The following NCBP3 variants were observed in gnomAD, a reference collection of about 807,000 sequenced individuals.
NCBP3 encodes the protein nuclear cap binding subunit 3.
Under a neutral mutation model 75.7 loss-of-function variants are expected in NCBP3, and 20 were observed. That is an observed-to-expected ratio of 0.26 (90% CI 0.19 to 0.38). NCBP3 has a LOEUF of 0.38. Ranked by LOEUF, NCBP3 falls within the 10% of genes least tolerant of loss-of-function variation. The pLI is 1.00. For synonymous variants in NCBP3, 293 were observed against 290.5 expected (o/e 1.01, Z -0.09); for missense variants, 678 against 796.9 (o/e 0.85, Z 1.80).
Position 3,832,094 on chromosome 17 carries a change from T to G in NCBP3, c.356-2726A>C, listed in dbSNP as rs561264940. On this transcript the variant is annotated intron_variant, in intron 3 of 12. Coordinates refer to ENST00000389005, the MANE Select transcript of NCBP3 (RefSeq NM_001114118.3). ...AGCTACTTGGGAGGCTGAGGCAGGATAATCACTCGAACCTGGGAGGCAGAG... is the reference window on the plus strand; with the variant it reads ...AGCTACTTGGGAGGCTGAGGCAGGAGAATCACTCGAACCTGGGAGGCAGAG... Among the ~76,000 whole-genome samples, 13 of 106,684 alleles carry G rather than the reference T, an allele frequency of 1.2e-4. 3 individuals carry two copies. In the Admixed American group the frequency reaches 1.3e-3, roughly 11 times the overall value. 70.0% of individuals were successfully genotyped at this position (106,684 alleles called of 152,430 possible). A position where few individuals can be genotyped will look rare whatever the true frequency, so the allele number is the denominator to read the frequency against.
At chr17:3,832,421 C>CAGG (rs1555533355) in intron 3 of NCBP3, among the ~76,000 whole-genome samples, 2,261 of 117,716 alleles carry the variant, frequency 0.019, 141 homozygotes, top group African/African-American at 0.055. Context: ...ATCACAAGGT[C>CAGG]AGATCGAGAC....
Position 3,836,734 on chromosome 17 carries a change from T to A in NCBP3, c.355+3366A>T, listed in dbSNP as rs111483191. Among the ~76,000 whole-genome samples the A allele has an allele frequency of 5.4e-3, 816 of 152,072 alleles. 7 individuals carry two copies. Among genetic ancestry groups the A allele is most frequent in the African/African-American group, 0.018 (734 of 41,456 alleles). ...CTGAGATTTTTAGAGGCTAAATAACTTGCCCGAGGCCATAGAGCTAGAAAG... is the reference window on the plus strand; with the variant it reads ...CTGAGATTTTTAGAGGCTAAATAACATGCCCGAGGCCATAGAGCTAGAAAG... On this transcript the variant is annotated intron_variant, in intron 3 of 12. Coordinates refer to ENST00000389005, the MANE Select transcript of NCBP3 (RefSeq NM_001114118.3).
intron 2 of NCBP3, among the ~76,000 whole-genome samples, chr17:3,842,236 C>T (rs911744737): frequency 6.6e-6 from 1 of 152,146 alleles, no homozygotes; most frequent in Non-Finnish European, 1.5e-5. Context: ...ACCAGCCTGA[C>T]CAATACAATG....
intron 2 of NCBP3, among the ~76,000 whole-genome samples, chr17:3,841,750 T>C (rs907893275): frequency 4.7e-5 from 7 of 148,084 alleles, no homozygotes; most frequent in Admixed American, 2.0e-4. Flanking sequence ...GAGGGATCAA[T>C]TGAATCCAGG....
At chr17:3,844,255 T>A (rs1268496695) in intron 1 of NCBP3, among the ~76,000 whole-genome samples, 1 of 152,228 alleles carries the variant, frequency 6.6e-6, no homozygotes, top group Non-Finnish European at 1.5e-5. Context: ...TGACAGTCAC[T>A]AATTACAGGA....
chr17:3,826,603 C>T (rs184270792), intron 4 of NCBP3, among the ~76,000 whole-genome samples: 11 of 151,210 alleles, frequency 7.3e-5, no homozygotes, highest in Admixed American at 5.9e-4. Context: ...TGCACTCCAG[C>T]CTGGGTAACA....
In NCBP3 at chr17:3,811,635, C is replaced by T. The variant is rs2053416154; in HGVS notation, c.*1409G>A. On this transcript the variant is annotated 3_prime_UTR_variant, in exon 13 of 13. Coordinates refer to ENST00000389005, the MANE Select transcript of NCBP3 (RefSeq NM_001114118.3). ...ACTATCAATGTGACCATTAGCTCCG[C>T]CACAAGTAAAGATCGACAGGATCCA... 6.6e-6 allele frequency: 1 copy of T among 152,200 alleles called. No individual in the cohort carries two copies. The highest frequency in any genetic ancestry group is 1.5e-5 in the Non-Finnish European group (1 of 68,040). 9.4% of individuals were successfully genotyped at this position (152,200 alleles called of 1,614,324 possible). A position where few individuals can be genotyped will look rare whatever the true frequency, so the allele number is the denominator to read the frequency against.
At chr17:3,815,366 A>C (rs1240453185) in intron 11 of NCBP3, among the ~76,000 whole-genome samples, 1 of 152,182 alleles carries the variant, frequency 6.6e-6, no homozygotes, top group Non-Finnish European at 1.5e-5. Context: ...GAGTAGATCT[A>C]TGACGGCTCT....
Position 3,814,420 on chromosome 17 carries a change from A to G in NCBP3, c.1529T>C (p.Val510Ala). The change falls in exon 12 of 13, where the codon GTC becomes GCC. Residue 510 changes from valine to alanine, a missense_variant. Around this residue, in one of 7 missense-constraint regions of NCBP3, gnomAD observed 365 missense variants for 392.7 expected, o/e 0.93. Transcript: ENST00000389005. Reference sequence around the variant, plus strand: ...ATCAGAAGAGGGCTCTCTCCGAACGACGGGGTTACTACTAAAAGCCTTTTC... The same window carrying G: ...ATCAGAAGAGGGCTCTCTCCGAACGGCGGGGTTACTACTAAAAGCCTTTTC... ...SPEKAFSSNPVVRREPSSDVH... is the reference protein window; with the variant it reads ...SPEKAFSSNPAVRREPSSDVH... 6.2e-7 allele frequency: 1 copy of G among 1,614,210 alleles called. No homozygotes were observed. The highest frequency in any genetic ancestry group is 8.5e-7 in the Non-Finnish European group (1 of 1,180,040).
rs555552927 is a variant in NCBP3, at chr17:3,831,264, T to C, written c.356-1896A>G. 3.6e-4 allele frequency among the ~76,000 whole-genome samples: 55 copies of C among 151,984 alleles called. No homozygotes were observed. In the East Asian group the frequency reaches 8.8e-3, roughly 24 times the overall value. ...TCTCCTTTAATCTCAATTGCAAAAT[T>C]TGTAAATATATCAATAAATAAACTT... On this transcript the variant is annotated intron_variant, in intron 3 of 12. Coordinates refer to ENST00000389005, the MANE Select transcript of NCBP3 (RefSeq NM_001114118.3).
At position 3,818,720 on chromosome 17, in the gene NCBP3, A is replaced by G; in HGVS notation, c.1001-148T>C. On this transcript the variant is annotated intron_variant, in intron 9 of 12. Coordinates refer to ENST00000389005, the MANE Select transcript of NCBP3 (RefSeq NM_001114118.3). The surrounding 1 kb of genome is among the most constrained non-coding windows in gnomAD (Gnocchi z 4.7). ...CTATCTATAATAGTGCCAAATGGAC[A>G]TTACTCTGATACTGCAACAGGAGGA... 1 of 836,028 alleles carries G rather than the reference A, an allele frequency of 1.2e-6. No homozygotes were observed. The highest frequency in any genetic ancestry group is 1.9e-6 in the Non-Finnish European group (1 of 539,454). The allele number at this position is 836,028 out of a possible 1,614,324, so 51.8% of individuals were successfully genotyped here.
intron 2 of NCBP3, 30 bp downstream of exon 2, chr17:3,843,056 G>A (rs369794845): frequency 1.3e-4 from 201 of 1,494,630 alleles, no homozygotes; most frequent in Non-Finnish European, 1.7e-4. Context: ...TGCTTATCAA[G>A]CTGAATAAAT....
intron 4 of NCBP3, among the ~76,000 whole-genome samples, chr17:3,827,084 AGGGGAAG>A (rs1178296019): frequency 9.1e-6 from 1 of 110,118 alleles, no homozygotes; most frequent in Admixed American, 1.1e-4. Flanking sequence ...GTAGGGGGAA[AGGGGAAG>A]GGGGAAGGGA....
rs553039208 is a variant in NCBP3 at position 3,807,409 on chromosome 17, T to G, written c.*5635A>C. On this transcript the variant is annotated 3_prime_UTR_variant, in exon 13 of 13. Coordinates refer to ENST00000389005, the MANE Select transcript of NCBP3 (RefSeq NM_001114118.3). Reference sequence around the variant, plus strand: ...ACTCAGGTCTATTTAATGAGATTTTTTTTTCTTATACAACCATATGCACTT... The same window carrying G: ...ACTCAGGTCTATTTAATGAGATTTTGTTTTCTTATACAACCATATGCACTT... The G allele has an allele frequency of 3.3e-5, 5 of 152,304 alleles. No individual in the cohort carries two copies. In the East Asian group the frequency reaches 9.6e-4, roughly 29 times the overall value. 9.4% of individuals were successfully genotyped at this position (152,304 alleles called of 1,614,324 possible).
intron 3 of NCBP3, among the ~76,000 whole-genome samples, chr17:3,837,733 C>CAAAAA (rs370179376): frequency 1.1e-5 from 1 of 87,426 alleles, no homozygotes; most frequent in Non-Finnish European, 2.3e-5. Context: ...GCCTCTGTCT[C>CAAAAA]AAAAAAAAAA....
At position 3,809,921 on chromosome 17, in the gene NCBP3, T is replaced by A. The variant is rs2053383936; in HGVS notation, c.*3123A>T. 1 of 152,176 alleles carries A rather than the reference T, an allele frequency of 6.6e-6. No individual in the cohort carries two copies. The highest frequency in any genetic ancestry group is 1.5e-5 in the Non-Finnish European group (1 of 68,036). 9.4% of individuals were successfully genotyped at this position (152,176 alleles called of 1,614,324 possible). ...GCCAGTCACAAATAGACACATAGTATATGATCCCATTTATATGAACTATCC... is the reference window on the plus strand; with the variant it reads ...GCCAGTCACAAATAGACACATAGTAAATGATCCCATTTATATGAACTATCC... On this transcript the variant is annotated 3_prime_UTR_variant, in exon 13 of 13. Coordinates refer to ENST00000389005, the MANE Select transcript of NCBP3 (RefSeq NM_001114118.3).
chr17:3,844,227 G>A (rs1335820042), intron 1 of NCBP3, among the ~76,000 whole-genome samples: 5 of 152,164 alleles, frequency 3.3e-5, no homozygotes, highest in African/African-American at 4.8e-5. Context: ...AACCAAGCGA[G>A]GACTGAAGCC....
At position 3,823,054 on chromosome 17, in the gene NCBP3, C is replaced by T. The variant is rs907122010; in HGVS notation, c.797-1002G>A. On this transcript the variant is annotated intron_variant, in intron 7 of 12. Coordinates refer to ENST00000389005, the MANE Select transcript of NCBP3 (RefSeq NM_001114118.3). ...TTAGGCTGGGCGCGATGGCTCACGC[C>T]TGTAATCCCAGTACTTTGGGAGGCT... Among the ~76,000 whole-genome samples the T allele has an allele frequency of 6.6e-5, 10 of 152,348 alleles. No homozygotes were observed. The South Asian group carries it at 1.7e-3, about 25-fold the overall frequency.
intron 5 of NCBP3, 120 bp from the exon 6 acceptor site, chr17:3,825,963 C>G (rs960588786): frequency 1.1e-5 from 15 of 1,415,532 alleles, no homozygotes; most frequent in African/African-American, 1.4e-5. Context: ...TCCTGATGAT[C>G]TCAAGCATCA....
Sources: gnomAD v4.1 joint callset for allele counts (sites outside exome capture counted in the v4.1 genomes callset) on GRCh38, gnomAD v4.1.1 for gene constraint, gnomAD v4.1.1 regional missense constraint, Gnocchi (gnomAD v3.1) non-coding constraint, MANE v1.5 for transcripts, NCBI Gene and HGNC (gene_info 2026-07-23, HGNC 2026-07-21) for gene names.